POU2F1: variants seen among roughly 807,000 people sequenced by gnomAD.
POU2F1 encodes the protein POU domain, class 2, transcription factor 1.
In POU2F1, 16 loss-of-function variants were observed where a neutral mutation model predicts 84.9. That is an observed-to-expected ratio of 0.19 (90% CI 0.13 to 0.29). The LOEUF is 0.29. POU2F1 is among the 10% of genes least tolerant of loss of function. The pLI, the probability that POU2F1 is intolerant of heterozygous loss-of-function variation, is 1.00. For synonymous variants in POU2F1, 368 were observed against 368.3 expected, an observed-to-expected ratio of 1.00 and a Z score of 0.01; for missense variants, 738 against 942.6, an observed-to-expected ratio of 0.78 and a Z score of 2.84.
chr1:167,414,939 GT>G (rs10712904), intron 15 of POU2F1, among the ~76,000 whole-genome samples: 5,424 of 152,270 alleles, frequency 0.036, 189 homozygotes, highest in African/African-American at 0.09. Flanking sequence ...CTGGAAGACA[GT>G]TTTTCCATAG....
At chr1:167,389,856 A>G (rs1207547667) in intron 9 of POU2F1, 95 bp downstream of exon 9, 12 of 1,388,164 alleles carry the variant, frequency 8.6e-6, no homozygotes, top group Middle Eastern at 2.3e-4. Flanking sequence ...TGTGGATTCA[A>G]CTAGTCCAAA....
In POU2F1 at chr1:167,427,281, G is replaced by C. The variant is rs1367726857; in HGVS notation, c.*11471G>C. ...TTTTTATATATATATTAAACTTACTGTAACTGTACAGTTCATTTCTGTTGT... is the reference window on the plus strand; with the variant it reads ...TTTTTATATATATATTAAACTTACTCTAACTGTACAGTTCATTTCTGTTGT... On this transcript the variant is annotated 3_prime_UTR_variant, in exon 16 of 16. Coordinates refer to ENST00000367866, the MANE Select transcript of POU2F1 (RefSeq NM_002697.4). The C allele has an allele frequency of 6.6e-6, 1 of 152,228 alleles. No individual in the cohort carries two copies. Among genetic ancestry groups the C allele is most frequent in the East Asian group, 1.9e-4 (1 of 5,186 alleles). 9.4% of individuals were successfully genotyped at this position (152,228 alleles called of 1,614,324 possible).
At chr1:167,301,691 A>G (rs1024248887) in intron 1 of POU2F1, among the ~76,000 whole-genome samples, 3 of 152,108 alleles carry the variant, frequency 2.0e-5, no homozygotes, top group African/African-American at 7.2e-5. Context: ...ATCATATTGG[A>G]AGGGTGGGTA....
At chr1:167,292,752 C>T (rs1654014470) in intron 1 of POU2F1, among the ~76,000 whole-genome samples, 1 of 151,476 alleles carries the variant, frequency 6.6e-6, no homozygotes, top group Non-Finnish European at 1.5e-5. Context: ...TTCAGAAAAC[C>T]TCAAGGAAAC....
intron 2 of POU2F1, among the ~76,000 whole-genome samples, chr1:167,334,601 G>C (rs1434360072): frequency 6.6e-6 from 1 of 152,152 alleles, no homozygotes; most frequent in East Asian, 1.9e-4. Flanking sequence ...GGTAAGTTCT[G>C]ACTGGAGCAC....
intron 1 of POU2F1, among the ~76,000 whole-genome samples, chr1:167,249,783 T>TG (rs758946885): frequency 6.6e-6 from 1 of 152,290 alleles, no homozygotes; most frequent in Non-Finnish European, 1.5e-5. Context: ...CAAGATCTGG[T>TG]GGTCATTGGT....
At chr1:167,361,742 A>G (rs575722269) in intron 2 of POU2F1, among the ~76,000 whole-genome samples, 1 of 152,272 alleles carries the variant, frequency 6.6e-6, no homozygotes, top group South Asian at 2.1e-4. Context: ...TTTCAGTAGA[A>G]TTGGTACGAG....
intron 1 of POU2F1, among the ~76,000 whole-genome samples, chr1:167,221,448 T>C (rs1239983684): frequency 2.2e-5 from 3 of 136,852 alleles, no homozygotes; most frequent in Non-Finnish European, 4.8e-5. Context: ...GTGGGGGGCG[T>C]GAAGGGGGAT....
At chr1:167,312,213 G>A (rs951164394) in intron 1 of POU2F1, among the ~76,000 whole-genome samples, 8 of 150,976 alleles carry the variant, frequency 5.3e-5, no homozygotes, top group African/African-American at 1.9e-4. Flanking sequence ...TGGGATTACA[G>A]GCGTGAGCCA....
chr1:167,397,938 C>T, intron 10 of POU2F1, 56 bp from the exon 11 acceptor site: 2 of 1,522,560 alleles, frequency 1.3e-6, no homozygotes, highest in Non-Finnish European at 1.8e-6. Flanking sequence ...GCATATTATG[C>T]ACATGAATCA....
At chr1:167,240,386 A>G (rs1230961578) in intron 1 of POU2F1, among the ~76,000 whole-genome samples, 1 of 152,238 alleles carries the variant, frequency 6.6e-6, no homozygotes, top group Non-Finnish European at 1.5e-5. Context: ...AAAATATTAG[A>G]AAAAAGAGTA....
intron 10 of POU2F1, chr1:167,396,686 A>AACACAC (rs34119749): frequency 1.4e-4 from 44 of 325,344 alleles, no homozygotes; most frequent in African/African-American, 6.6e-4. Flanking sequence ...CAGGATTAGG[A>AACACAC]ACACACACAC....
intron 1 of POU2F1, among the ~76,000 whole-genome samples, chr1:167,311,933 ATTT>A (rs968596083): frequency 6.9e-6 from 1 of 144,026 alleles, no homozygotes; most frequent in East Asian, 2.0e-4. Context: ...AGCGTGGCTA[ATTT>A]TTTTTTTTGT....
At chr1:167,292,910 G>A (rs1468626869) in intron 1 of POU2F1, among the ~76,000 whole-genome samples, 7 of 151,912 alleles carry the variant, frequency 4.6e-5, no homozygotes, top group African/African-American at 1.5e-4. Context: ...AAAACCATAC[G>A]ACCGTCTCAA....
chr1:167,283,248 T>C (rs1389691738), intron 1 of POU2F1, among the ~76,000 whole-genome samples: 1 of 152,098 alleles, frequency 6.6e-6, no homozygotes, highest in Non-Finnish European at 1.5e-5. Flanking sequence ...CGGCCTGTTT[T>C]GTGAGACCCC....
At chr1:167,318,433 A>G (rs1278649941) in intron 1 of POU2F1, among the ~76,000 whole-genome samples, 4 of 152,226 alleles carry the variant, frequency 2.6e-5, no homozygotes, top group Non-Finnish European at 4.4e-5. Context: ...GGACCAATCA[A>G]TAATGATGCC....
chr1:167,285,968 A>C (rs1653500973), intron 1 of POU2F1, among the ~76,000 whole-genome samples: 1 of 152,188 alleles, frequency 6.6e-6, no homozygotes, highest in Admixed American at 6.5e-5. Context: ...GTTGCAGAAA[A>C]TCATTAATAA....
chr1:167,399,554 G>GCTCT lies in POU2F1; in HGVS notation c.1449+202_1449+205dup, dbSNP rs142706785. The stretch of plus-strand genomic sequence containing the variant: ...CATTCTCTCTTTCCTTGTCTCTCGT[G>GCTCT]CTCTCTCTCTCTCTCTGCTGAGGTC... On this transcript the variant is annotated intron_variant, in intron 12 of 15. Transcript: ENST00000367866. Among the ~76,000 whole-genome samples, 20 of 149,942 alleles carry GCTCT rather than the reference G, an allele frequency of 1.3e-4. No individual in the cohort carries two copies. The East Asian group carries it at 2.7e-3, about 20-fold the overall frequency.
chr1:167,359,361 C>T (rs977899974), intron 2 of POU2F1, among the ~76,000 whole-genome samples: 2 of 152,248 alleles, frequency 1.3e-5, no homozygotes, highest in African/African-American at 4.8e-5. Flanking sequence ...TCCCTTCCCC[C>T]TTTTGGAATC....
Sources: allele counts gnomAD v4.1 joint callset (sites outside exome capture counted in the v4.1 genomes callset), GRCh38; gene constraint gnomAD v4.1.1; transcripts MANE v1.5; gene names NCBI Gene and HGNC (gene_info 2026-07-23, HGNC 2026-07-21).